The following PLXNB2 variants were observed in gnomAD, a reference collection of about 807,000 sequenced individuals.
PLXNB2 encodes plexin B2.
A neutral mutation model predicts 202.6 loss-of-function variants in PLXNB2; 85 were observed. The ratio of observed to expected loss-of-function variants is 0.42; its 90% confidence interval spans 0.35 to 0.50. The LOEUF is 0.50. Among genes scored for constraint, PLXNB2 ranks in the 20% least tolerant of loss-of-function variants. PLXNB2 has a pLI of 0.02. For missense variants in PLXNB2, 2,063 were observed against 2,586.2 expected (o/e 0.80, Z 4.39); for synonymous variants, 1,239 against 1,137.6 (o/e 1.09, Z -1.79).
intron 1 of PLXNB2, among the ~76,000 whole-genome samples, chr22:50,302,793 G>A (rs2067757307): frequency 6.6e-6 from 1 of 151,990 alleles, no homozygotes; most frequent in Non-Finnish European, 1.5e-5. Flanking sequence ...ACTTAAAATA[G>A]CTTCTCCCCC....
Position 50,287,098 on chromosome 22 carries a change from G to T in PLXNB2, c.1762+13C>A. ...CGAGAAGGGCCACCCGGGGGCTCGGGAAGGGGCCTCACCCTGGCCTGGCGG... is the reference window on the plus strand; with the variant it reads ...CGAGAAGGGCCACCCGGGGGCTCGGTAAGGGGCCTCACCCTGGCCTGGCGG... On this transcript the variant is annotated intron_variant, in intron 8 of 36. Coordinates refer to ENST00000359337, the MANE Select transcript of PLXNB2 (RefSeq NM_012401.4). The T allele has an allele frequency of 6.7e-7, 1 of 1,494,890 alleles. No individual in the cohort carries two copies. The highest frequency in any genetic ancestry group is 2.5e-5 in the East Asian group (1 of 39,966). The allele number at this position is 1,494,890 out of a possible 1,614,324, so 92.6% of individuals were successfully genotyped here.
At chr22:50,305,237 G>A (rs2067843067) in intron 1 of PLXNB2, among the ~76,000 whole-genome samples, 1 of 152,178 alleles carries the variant, frequency 6.6e-6, no homozygotes, top group Admixed American at 6.5e-5. Context: ...GATGGGAGGA[G>A]GACTGTGCCA....
chr22:50,278,081 C>T (rs780262662), intron 31 of PLXNB2, 36 bp downstream of exon 31: 33 of 1,602,108 alleles, frequency 2.1e-5, no homozygotes, highest in East Asian at 1.3e-4. Flanking sequence ...CTCAGCGTGG[C>T]GGCCTGGTGC....
intron 1 of PLXNB2, among the ~76,000 whole-genome samples, chr22:50,299,549 C>T (rs1165887148): frequency 3.3e-5 from 5 of 152,266 alleles, no homozygotes; most frequent in East Asian, 3.9e-4. Context: ...ACAAAACAGA[C>T]GCGCCGGCGA....
At chr22:50,276,993 G>C (rs768969395) in intron 33 of PLXNB2, 87 bp from the exon 34 acceptor site, 1 of 908,934 alleles carries the variant, frequency 1.1e-6, no homozygotes, top group Non-Finnish European at 1.7e-6. Context: ...CCCCTGCCCC[G>C]AACTCCTGAC....
intron 2 of PLXNB2, among the ~76,000 whole-genome samples, chr22:50,294,263 G>C (rs1229706739): frequency 6.6e-6 from 1 of 152,264 alleles, no homozygotes; most frequent in Non-Finnish European, 1.5e-5. Context: ...AGCTCGGAGG[G>C]GCACTTTCAA....
intron 1 of PLXNB2, among the ~76,000 whole-genome samples, chr22:50,302,146 G>T (rs2067724670): frequency 6.6e-6 from 1 of 152,208 alleles, no homozygotes; most frequent in Non-Finnish European, 1.5e-5. Flanking sequence ...CTCAGCAGGG[G>T]AGAGGGGCTG....
At position 50,278,975 on chromosome 22, in the gene PLXNB2, C is replaced by T. The variant is rs748554523; in HGVS notation, c.4426G>A (p.Ala1476Thr). Residue 1476 changes from alanine to threonine, a missense_variant, in exon 28 of 37, where the codon GCC becomes ACC. Ala to Thr is a moderately conservative substitution (Grantham distance 58). Transcript: ENST00000359337. ...SVIVQDEGVD[A>T]IPVKVLNCDT... is the part of the protein sequence containing the mutation. The stretch of plus-strand genomic sequence containing the variant: ...CAGTTGAGGACCTTCACCGGGATGG[C>T]GTCCACTCCCTCGTCCTGCACGATC... 5.0e-6 allele frequency: 8 copies of T among 1,613,180 alleles called. No individual in the cohort carries two copies. The Admixed American group carries it at 6.7e-5, about 13-fold the overall frequency.
intron 8 of PLXNB2, 72 bp downstream of exon 8, chr22:50,287,039 G>A (rs2066505452): frequency 1.4e-6 from 2 of 1,384,396 alleles, no homozygotes; most frequent in South Asian, 1.5e-5. Flanking sequence ...GGCCAGCAGA[G>A]GCGAGAGCCC....
rs1036382860 is a variant in PLXNB2, at chr22:50,297,341, C to T, written c.-73-2563G>A. ...GCTGGCTTCTGTCCCGCCCATCCCG[C>T]ACGCCCTCGAACAACCTCCCCTGAG... On this transcript the variant is annotated intron_variant, in intron 1 of 36. Coordinates refer to ENST00000359337, the MANE Select transcript of PLXNB2 (RefSeq NM_012401.4). This position sits in a 1 kb window ranked among gnomAD's most constrained non-coding sequence, Gnocchi z 5.3. Among the ~76,000 whole-genome samples the T allele has an allele frequency of 1.3e-5, 2 of 152,174 alleles. No individual in the cohort carries two copies. Among genetic ancestry groups the T allele is most frequent in the Non-Finnish European group, 2.9e-5 (2 of 68,024 alleles).
At position 50,281,956 on chromosome 22, in the gene PLXNB2, C is replaced by G. The variant is rs751066218; in HGVS notation, c.3243G>C (p.Leu1081=). 1 of 1,613,104 alleles carries G rather than the reference C, an allele frequency of 6.2e-7. No individual in the cohort carries two copies. Among genetic ancestry groups the G allele is most frequent in the Non-Finnish European group, 8.5e-7 (1 of 1,179,978 alleles). Reference sequence around the variant, plus strand: ...CGAAGGCCCCGGCCTCTGTTCTGAGCAGGGCACGGTGCCCGTCCATCTCGA... The same window carrying G: ...CGAAGGCCCCGGCCTCTGTTCTGAGGAGGGCACGGTGCCCGTCCATCTCGA... ...VLIEMDGHRA[L]LRTEAGAFEY... Residue 1081 remains leucine, a synonymous_variant, in exon 20 of 37, where the codon CTG becomes CTC. Transcript: ENST00000359337.
chr22:50,278,737 G>A (rs780253354), intron 28 of PLXNB2, 41 bp from the exon 29 acceptor site: 1 of 1,590,144 alleles, frequency 6.3e-7, no homozygotes, highest in Non-Finnish European at 8.6e-7. Flanking sequence ...CAGCCACCCA[G>A]GTTCCTCCCA....
rs770278125 is a variant in PLXNB2 at position 50,289,053 on chromosome 22, C to A, written c.1158G>T (p.Gln386His). The A allele has an allele frequency of 9.3e-6, 15 of 1,608,308 alleles. No homozygotes were observed. The African/African-American group carries it at 1.9e-4, about 20-fold the overall frequency. Residue 386 changes from glutamine (Q) to histidine (H), a missense_variant, in exon 4 of 37, where the codon CAG becomes CAT. Coordinates refer to ENST00000359337, the MANE Select transcript of PLXNB2 (RefSeq NM_012401.4). This position sits in a 1 kb window ranked among gnomAD's most constrained non-coding sequence, Gnocchi z 8.0. ...CGGCCGTGAGGTTCAGGCCTCCACG[C>A]TGCAGCACGGCTGTGCCTCTGAGCC... ...RDGLRGTAVLQRGGLNLTAVT... is the reference protein window; with the variant it reads ...RDGLRGTAVLHRGGLNLTAVT...
rs1347435068 is a variant in PLXNB2 at position 50,286,041 on chromosome 22, C to G, written c.1935G>C (p.Glu645Asp). The change falls in exon 10 of 37, where the codon GAG (glutamate) becomes GAC (aspartate). Residue 645 changes from glutamate (E) to aspartate (D), a missense_variant. Around this residue, in one of 2 missense-constraint regions of PLXNB2, gnomAD observed 1,303 missense variants for 1,476.8 expected, o/e 0.88. Coordinates refer to ENST00000359337, the MANE Select transcript of PLXNB2 (RefSeq NM_012401.4). ...CAGGGTTGGGCGAAGCCTCCCGGCACTCGTGGTAGCGCAGGTCCCACTGGC... is the reference window on the plus strand; with the variant it reads ...CAGGGTTGGGCGAAGCCTCCCGGCAGTCGTGGTAGCGCAGGTCCCACTGGC... ...WTCQWDLRYH[E>D]CREASPNPED... The G allele has an allele frequency of 2.5e-6, 4 of 1,612,482 alleles. No individual in the cohort carries two copies. The highest frequency in any genetic ancestry group is 3.4e-6 in the Non-Finnish European group (4 of 1,179,990).
In PLXNB2 at chr22:50,284,818, C is replaced by T. The variant is rs767058778; in HGVS notation, c.2089-153G>A. The stretch of plus-strand genomic sequence containing the variant: ...CCCTCAGATTACCATGCCAGCTGAC[C>T]CCTCGGCCACTCCTGAGCCCAAACA... On this transcript the variant is annotated intron_variant, in intron 11 of 36. Transcript: ENST00000359337. This position sits in a 1 kb window ranked among gnomAD's most constrained non-coding sequence, Gnocchi z 8.0. The T allele has an allele frequency of 1.3e-6, 1 of 765,978 alleles. No individual in the cohort carries two copies. Among genetic ancestry groups the T allele is most frequent in the Non-Finnish European group, 2.4e-6 (1 of 412,684 alleles). The allele number at this position is 765,978 out of a possible 1,614,324, so 47.4% of individuals were successfully genotyped here.
chr22:50,287,011 G>A, intron 8 of PLXNB2, 100 bp downstream of exon 8: 1 of 1,225,070 alleles, frequency 8.2e-7, no homozygotes, highest in South Asian at 1.6e-5. Flanking sequence ...GTGTGCCTGT[G>A]CAGAGCCTGC....
chr22:50,300,395 G>A, intron 1 of PLXNB2: 1 of 886,264 alleles, frequency 1.1e-6, no homozygotes, highest in Non-Finnish European at 1.4e-6. Context: ...CCCCCGGTCG[G>A]TCTCAGGGCT....
Position 50,278,854 on chromosome 22 carries a change from C to T in PLXNB2, c.4546+1G>A. The T allele has an allele frequency of 1.9e-6, 3 of 1,609,684 alleles. No individual in the cohort carries two copies. Among genetic ancestry groups the T allele is most frequent in the Non-Finnish European group, 8.5e-7 (1 of 1,177,454 alleles). ...GCAGACGGGCAGGGGCCGGCACTCA[C>T]CCAGGACCACGCTGTCTGGCCTGGG... On this transcript the variant is annotated splice_donor_variant, in intron 28 of 36. Transcript: ENST00000359337. LOFTEE classifies it high-confidence loss of function.
chr22:50,279,983 GC>G, intron 26 of PLXNB2, 21 bp downstream of exon 26: 1 of 1,582,966 alleles, frequency 6.3e-7, no homozygotes, highest in Non-Finnish European at 8.6e-7. Flanking sequence ...TCAAGCCCCA[GC>G]CAGGCTGGGG....
Sources: gnomAD v4.1 joint callset for allele counts (sites outside exome capture counted in the v4.1 genomes callset) on GRCh38, gnomAD v4.1.1 for gene constraint, gnomAD v4.1.1 regional missense constraint, Gnocchi (gnomAD v3.1) non-coding constraint, MANE v1.5 for transcripts, NCBI Gene and HGNC (gene_info 2026-07-23, HGNC 2026-07-21) for gene names.